Variants in KDM3A observed in about 807,000 individuals in gnomAD.
The protein encoded by KDM3A is lysine-specific demethylase 3A.
KDM3A carries 60 observed loss-of-function variants against 158.0 expected under a neutral mutation model. The ratio of observed to expected loss-of-function variants is 0.38; its 90% CI spans 0.31 to 0.47. KDM3A has a LOEUF of 0.47. KDM3A is among the 20% of genes least tolerant of loss of function. The pLI is 0.99. For synonymous variants in KDM3A, 608 were observed against 549.3 expected, an observed-to-expected ratio of 1.11 and a Z score of -1.49; for missense variants, 1,319 against 1,574.3, an observed-to-expected ratio of 0.84 and a Z score of 2.74.
intron 1 of KDM3A, 134 bp from the exon 2 acceptor site, chr2:86,441,884 G>T: frequency 4.4e-6 from 2 of 452,256 alleles, no homozygotes; most frequent in East Asian, 9.4e-5. Context: ...GCGCAGGAGG[G>T]GGGCTCGGTG....
At chr2:86,487,639 C>T (rs1044652543) in intron 21 of KDM3A, 2 of 152,256 alleles carry the variant, frequency 1.3e-5, no homozygotes, top group Non-Finnish European at 2.9e-5. Context: ...TTTCCCTACT[C>T]TTCCCCCACT....
At chr2:86,451,614 T>A (rs12714185) in intron 4 of KDM3A, among the ~76,000 whole-genome samples, 1 of 152,024 alleles carries the variant, frequency 6.6e-6, no homozygotes, top group Non-Finnish European at 1.5e-5. Flanking sequence ...GTGACAGAGG[T>A]GGAAGGAAAT....
intron 25 of KDM3A, 153 bp downstream of exon 25, chr2:86,491,428 ACTT>A: frequency 2.9e-6 from 2 of 690,300 alleles, no homozygotes; most frequent in Non-Finnish European, 4.9e-6. Flanking sequence ...ACTACTATCT[ACTT>A]AAGTGAGGGA....
At chr2:86,485,461 C>T (rs1183152709) in intron 20 of KDM3A, among the ~76,000 whole-genome samples, 1 of 152,220 alleles carries the variant, frequency 6.6e-6, no homozygotes, top group Non-Finnish European at 1.5e-5. Context: ...AATGATATAT[C>T]TCTAAGAATA....
intron 8 of KDM3A, among the ~76,000 whole-genome samples, chr2:86,458,965 G>T (rs534779944): frequency 2.0e-5 from 3 of 151,990 alleles, no homozygotes; most frequent in Non-Finnish European, 4.4e-5. Context: ...GGTAGCTAAG[G>T]GGGTGGAGAG....
chr2:86,489,503 T>C lies in KDM3A; in HGVS notation c.3434-17T>C, dbSNP rs764379068. On this transcript the variant is annotated splice_polypyrimidine_tract_variant and intron_variant, in intron 22 of 25. Coordinates refer to ENST00000312912, the MANE Select transcript of KDM3A (RefSeq NM_018433.6). ...CAGGGCTTGTGGTCTGATATCTGCT[T>C]TCTCTTCTTGCTCTAGAAGTCCTTA... The C allele has an allele frequency of 6.2e-7, 1 of 1,611,622 alleles. No individual in the cohort carries two copies. Among genetic ancestry groups the C allele is most frequent in the Non-Finnish European group, 8.5e-7 (1 of 1,178,890 alleles).
rs1468398035 is a variant in KDM3A, at chr2:86,466,509, T to G, written c.1145T>G (p.Ile382Ser). The G allele has an allele frequency of 1.2e-6, 2 of 1,613,902 alleles. No individual in the cohort carries two copies. Among genetic ancestry groups the G allele is most frequent in the South Asian group, 2.2e-5 (2 of 91,082 alleles). ...SSQIGTGDLK[I>S]LTEPKGSCTQ... ...CAGATTGGAACTGGAGACTTGAAAATTCTGACTGAGCCAAAAGGCAGCTGT... is the reference window on the plus strand; with the variant it reads ...CAGATTGGAACTGGAGACTTGAAAAGTCTGACTGAGCCAAAAGGCAGCTGT... The change falls in exon 10 of 26, where the codon ATT (isoleucine) becomes AGT (serine). Residue 382 changes from isoleucine (I) to serine (S), a missense_variant. Physicochemically the swap from Ile to Ser is moderately radical, Grantham distance 142. Around this residue, in one of 4 missense-constraint regions of KDM3A, gnomAD observed 652 missense variants for 627.2 expected, o/e 1.04. Transcript: ENST00000312912.
At chr2:86,444,876 C>G (rs1682892253) in intron 2 of KDM3A, among the ~76,000 whole-genome samples, 2 of 151,982 alleles carry the variant, frequency 1.3e-5, no homozygotes, top group Non-Finnish European at 2.9e-5. Context: ...GAGAATATGT[C>G]TAGTAGTTGG....
At position 86,485,683 on chromosome 2, in the gene KDM3A, T is replaced by C. The variant is rs1674144205; in HGVS notation, c.3183-46T>C. On this transcript the variant is annotated intron_variant, in intron 20 of 25. Transcript: ENST00000312912. Reference sequence around the variant, plus strand: ...CAAAACAGGTTACACAATAATGAATTAGAAAAGCAATCTAACTTTGCAAAT... The same window carrying C: ...CAAAACAGGTTACACAATAATGAATCAGAAAAGCAATCTAACTTTGCAAAT... 2.5e-6 allele frequency: 4 copies of C among 1,604,030 alleles called. No homozygotes were observed. The South Asian group carries it at 3.3e-5, about 13-fold the overall frequency.
intron 8 of KDM3A, among the ~76,000 whole-genome samples, chr2:86,457,467 G>C (rs2104646313): frequency 6.6e-6 from 1 of 152,242 alleles, no homozygotes; most frequent in Admixed American, 6.5e-5. Flanking sequence ...GTGTTATATT[G>C]CTGTCTGCTC....
chr2:86,461,762 A>G (rs935257411), intron 8 of KDM3A, among the ~76,000 whole-genome samples: 4 of 152,220 alleles, frequency 2.6e-5, no homozygotes, highest in Admixed American at 6.5e-5. Flanking sequence ...GAGAGAACCA[A>G]CCAGCCACTG....
rs137919026 is a variant in KDM3A, at chr2:86,462,072, CAT to C, written c.844-1980_844-1979del. Among the ~76,000 whole-genome samples the C allele has an allele frequency of 8.7e-3, 1,330 of 152,030 alleles. 22 individuals are homozygous for C. Among genetic ancestry groups the C allele is most frequent in the African/African-American group, 0.03 (1,229 of 41,448 alleles). Reference sequence around the variant, plus strand: ...AGAATGGAAGGAAGGTTGGTTAGGACATGTGTAGCTTAGGGGAAAGATGGTAG... The same window carrying C: ...AGAATGGAAGGAAGGTTGGTTAGGACGTGTAGCTTAGGGGAAAGATGGTAG... On this transcript the variant is annotated intron_variant, in intron 8 of 25. Transcript: ENST00000312912.
intron 2 of KDM3A, chr2:86,443,371 C>T (rs1010890764): frequency 6.6e-6 from 1 of 152,312 alleles, no homozygotes; most frequent in African/African-American, 2.4e-5. Context: ...TGGTATTTAT[C>T]TGCAAAGAGT....
chr2:86,446,837 G>T lies in KDM3A; in HGVS notation c.187-2970G>T, dbSNP rs568501297. 2.0e-3 allele frequency among the ~76,000 whole-genome samples: 311 copies of T among 152,202 alleles called. 1 individual carries two copies. The highest frequency in any genetic ancestry group is 7.1e-3 in the African/African-American group (295 of 41,518). ...GATGCTTTGTTTTTTCTGGAAATGG[G>T]GTCTCACTCTGTCACCCAGGCTGAA... On this transcript the variant is annotated intron_variant, in intron 2 of 25. Coordinates refer to ENST00000312912, the MANE Select transcript of KDM3A (RefSeq NM_018433.6).
chr2:86,491,736 A>C (rs1350894231), intron 25 of KDM3A: 2 of 357,234 alleles, frequency 5.6e-6, no homozygotes, highest in Non-Finnish European at 1.0e-5. Flanking sequence ...TTGGAAAATA[A>C]GGGAAAAATG....
intron 21 of KDM3A, among the ~76,000 whole-genome samples, chr2:86,486,377 T>TG (rs1674181848): frequency 6.6e-6 from 1 of 152,208 alleles, no homozygotes; most frequent in African/African-American, 2.4e-5. Context: ...GGAGGATGCC[T>TG]GGGATAAAGA....
chr2:86,486,063 C>G (rs1674165517), intron 21 of KDM3A, among the ~76,000 whole-genome samples: 1 of 152,088 alleles, frequency 6.6e-6, no homozygotes, highest in African/African-American at 2.4e-5. Flanking sequence ...AGGGCATATG[C>G]AATTTTGTGT....
chr2:86,445,255 C>T (rs900321968), intron 2 of KDM3A, among the ~76,000 whole-genome samples: 17 of 152,052 alleles, frequency 1.1e-4, no homozygotes, highest in African/African-American at 2.2e-4. Flanking sequence ...TATTACCTCT[C>T]CTATGGAGAA....
chr2:86,451,235 A>G, intron 4 of KDM3A, 22 bp downstream of exon 4: 1 of 1,416,686 alleles, frequency 7.1e-7, no homozygotes, highest in South Asian at 1.2e-5. Context: ...AAACAGTAGT[A>G]AACATTAGAA....
Sources: gnomAD v4.1 joint callset for allele counts (sites outside exome capture counted in the v4.1 genomes callset) on GRCh38, gnomAD v4.1.1 for gene constraint, gnomAD v4.1.1 regional missense constraint, MANE v1.5 for transcripts, NCBI Gene and HGNC (gene_info 2026-07-23, HGNC 2026-07-21) for gene names.